Variants in TBRG1 observed in about 807,000 individuals in gnomAD.
The protein encoded by TBRG1 is transforming growth factor beta regulator 1, also known as nuclear interactor of ARF and MDM2.
A neutral mutation model predicts 44.0 loss-of-function variants in TBRG1; 31 were observed. The ratio of observed to expected loss-of-function variants is 0.70; its 90% CI spans 0.53 to 0.95. The LOEUF (loss-of-function observed/expected upper bound fraction) is 0.95, where lower values mean the gene tolerates loss of function less well. Among genes scored for constraint, TBRG1 ranks in the 40% least tolerant of loss-of-function variants. The pLI, the probability that TBRG1 is intolerant of heterozygous loss-of-function variation, is 0.00. For synonymous variants in TBRG1, 171 were observed against 188.1 expected, an observed-to-expected ratio of 0.91 and a Z score of 0.74; for missense variants, 487 against 496.1, an observed-to-expected ratio of 0.98 and a Z score of 0.18.
intron 1 of TBRG1, among the ~76,000 whole-genome samples, chr11:124,623,780 C>G (rs1211552887): frequency 6.6e-6 from 1 of 152,212 alleles, no homozygotes; most frequent in African/African-American, 2.4e-5. Flanking sequence ...CCCCTCTAAC[C>G]TTTGAGTGTT....
rs192756063 is a variant in TBRG1, at chr11:124,626,970, C to T, written c.658C>T (p.Arg220Ter). 3.1e-6 allele frequency: 5 copies of T among 1,594,802 alleles called. No homozygotes were observed. Among genetic ancestry groups the T allele is most frequent in the South Asian group, 2.3e-5 (2 of 87,662 alleles). The change falls in exon 5 of 9, where the codon CGA becomes TGA. Residue 220 changes from arginine to a stop codon, truncating the protein, a stop_gained. Coordinates refer to ENST00000441174, the MANE Select transcript of TBRG1 (RefSeq NM_032811.3). LOFTEE classifies it high-confidence loss of function. ...CTACCCCGTGGGCTATTGCAGTACTCGAATATATGCCAGCATGAAGTGCCC... is the reference window on the plus strand; with the variant it reads ...CTACCCCGTGGGCTATTGCAGTACTTGAATATATGCCAGCATGAAGTGCCC... ...AIYPVGYCST[R>*]IYASMKCPDQ...
At position 124,633,991 on chromosome 11, in the gene TBRG1, A is replaced by G. The variant is rs1942665965; in HGVS notation, c.*1753A>G. On this transcript the variant is annotated 3_prime_UTR_variant, in exon 9 of 9. Coordinates refer to ENST00000441174, the MANE Select transcript of TBRG1 (RefSeq NM_032811.3). ...CAACTATAGTGTGTACGTATACCACATATACATATACTTGTATGAAGATAT... is the reference window on the plus strand; with the variant it reads ...CAACTATAGTGTGTACGTATACCACGTATACATATACTTGTATGAAGATAT... 1 of 152,266 alleles carries G rather than the reference A, an allele frequency of 6.6e-6. No homozygotes were observed. The highest frequency in any genetic ancestry group is 2.4e-5 in the African/African-American group (1 of 41,476). 9.4% of individuals were successfully genotyped at this position (152,266 alleles called of 1,614,324 possible).
chr11:124,627,051 G>A lies in TBRG1; in HGVS notation c.738+1G>A. ...CAAGGATGGTGGTGTGCAGCCTCAG[G>A]TACCCCCTCTAATAATAACCACTGT... On this transcript the variant is annotated splice_donor_variant, in intron 5 of 8. Transcript: ENST00000441174. LOFTEE classifies it high-confidence loss of function. 6.5e-7 allele frequency: 1 copy of A among 1,536,098 alleles called. No individual in the cohort carries two copies. The highest frequency in any genetic ancestry group is 8.8e-7 in the Non-Finnish European group (1 of 1,132,534).
In TBRG1 at chr11:124,634,323, A is replaced by T. The variant is rs1404687502; in HGVS notation, c.*2085A>T. On this transcript the variant is annotated 3_prime_UTR_variant, in exon 9 of 9. Coordinates refer to ENST00000441174, the MANE Select transcript of TBRG1 (RefSeq NM_032811.3). ...GCACTCCAGCCTGGGCAACAGAGCA[A>T]AACTCCAACTCAAAAACAAAAACAA... The T allele has an allele frequency of 1.3e-5, 2 of 152,252 alleles. No homozygotes were observed. Among genetic ancestry groups the T allele is most frequent in the Non-Finnish European group, 1.5e-5 (1 of 68,058 alleles). The allele number at this position is 152,252 out of a possible 1,614,324, so 9.4% of individuals were successfully genotyped here.
At chr11:124,631,874 C>T (rs1457833732) in intron 8 of TBRG1, 4 of 490,226 alleles carry the variant, frequency 8.2e-6, no homozygotes, top group Non-Finnish European at 1.4e-5. Context: ...TTGAAATTCT[C>T]ACTCTTTGCC....
At chr11:124,627,144 G>T in intron 5 of TBRG1, 94 bp downstream of exon 5, 1 of 907,594 alleles carries the variant, frequency 1.1e-6, no homozygotes, top group Non-Finnish European at 1.7e-6. Context: ...AGGTAGATAT[G>T]TATAATCACC....
chr11:124,630,816 A>G lies in TBRG1; in HGVS notation c.908A>G (p.Asn303Ser), dbSNP rs1942592417. ...FFGFSHPAIH[N>S]LIQSCPGARK... ...GGATTTTCTCATCCAGCCATCCACAACCTGATCCAGAGCTGTCCAGGAGCT... is the reference window on the plus strand; with the variant it reads ...GGATTTTCTCATCCAGCCATCCACAGCCTGATCCAGAGCTGTCCAGGAGCT... Residue 303 changes from asparagine to serine, a missense_variant, in exon 7 of 9, where the codon AAC becomes AGC. Physicochemically the swap from Asn to Ser is conservative, Grantham distance 46. Transcript: ENST00000441174. 4 of 1,605,338 alleles carry G rather than the reference A, an allele frequency of 2.5e-6. No homozygotes were observed. Among genetic ancestry groups the G allele is most frequent in the African/African-American group, 1.3e-5 (1 of 74,936 alleles).
intron 5 of TBRG1, among the ~76,000 whole-genome samples, chr11:124,628,699 A>G (rs1942541372): frequency 1.3e-5 from 2 of 152,152 alleles, no homozygotes; most frequent in East Asian, 1.9e-4. Flanking sequence ...GGAGGAAAAC[A>G]AGTACACGTT....
chr11:124,633,451 T>C lies in TBRG1; in HGVS notation c.*1213T>C, dbSNP rs995632668. ...ACAAAAGGACCCAGAAGTAGAAGAA[T>C]GGGGATGGAGTGGTGAGAATTGAAT... is the stretch of plus-strand genomic sequence containing the variant. On this transcript the variant is annotated 3_prime_UTR_variant, in exon 9 of 9. Coordinates refer to ENST00000441174, the MANE Select transcript of TBRG1 (RefSeq NM_032811.3). 2 of 152,226 alleles carry C rather than the reference T, an allele frequency of 1.3e-5. No homozygotes were observed. The highest frequency in any genetic ancestry group is 1.3e-4 in the Admixed American group (2 of 15,282). 9.4% of individuals were successfully genotyped at this position (152,226 alleles called of 1,614,324 possible).
At chr11:124,628,100 TATATATATATATATATACAC>T (rs1287164193) in intron 5 of TBRG1, among the ~76,000 whole-genome samples, 186 of 53,236 alleles carry the variant, frequency 3.5e-3, no homozygotes, top group Middle Eastern at 0.013. Context: ...TATATATATA[TATATATATATATATATACAC>T]ACACACACAC....
At position 124,627,489 on chromosome 11, in the gene TBRG1, A is replaced by G. The variant is rs1304927144; in HGVS notation, c.738+439A>G. ...GAGTCTTAAATCCTAGTCTTACTAA[A>G]TACCTTTTTTCATCCTTCTCAGTGC... On this transcript the variant is annotated intron_variant, in intron 5 of 8. Coordinates refer to ENST00000441174, the MANE Select transcript of TBRG1 (RefSeq NM_032811.3). Among the ~76,000 whole-genome samples the G allele has an allele frequency of 3.3e-5, 5 of 152,200 alleles. No individual in the cohort carries two copies. In the East Asian group the frequency reaches 9.6e-4, roughly 29 times the overall value.
Position 124,625,749 on chromosome 11 carries a change from C to T in TBRG1, c.300C>T (p.Ser100=). 1 of 1,564,190 alleles carries T rather than the reference C, an allele frequency of 6.4e-7. No individual in the cohort carries two copies. The highest frequency in any genetic ancestry group is 1.2e-5 in the South Asian group (1 of 85,028). The change falls in exon 3 of 9, where the codon TCC becomes TCT. Residue 100 remains serine, a synonymous_variant. Coordinates refer to ENST00000441174, the MANE Select transcript of TBRG1 (RefSeq NM_032811.3). ...AGGCTGCAGCTCCTTCCCACAGTTC[C>T]AGTTTGCCCCTGACTTATGGTGTGG... ...EVQAAAPSHS[S]SLPLTYGVAS...
chr11:124,627,784 G>A (rs1942505187), intron 5 of TBRG1, among the ~76,000 whole-genome samples: 1 of 151,908 alleles, frequency 6.6e-6, no homozygotes, highest in African/African-American at 2.4e-5. Context: ...CCTCAATTAT[G>A]CAATAGTTTC....
intron 5 of TBRG1, chr11:124,630,091 T>C: frequency 4.0e-6 from 1 of 252,828 alleles, no homozygotes; most frequent in Non-Finnish European, 8.0e-6. Context: ...TAAAATACCA[T>C]TTGTATTTGT....
intron 5 of TBRG1, 51 bp from the exon 6 acceptor site, chr11:124,630,336 CT>C (rs1206944183): frequency 1.3e-5 from 15 of 1,170,110 alleles, no homozygotes; most frequent in Non-Finnish European, 1.9e-5. Flanking sequence ...TAGTATGCCC[CT>C]CTCTCCTTCC....
intron 7 of TBRG1, 49 bp from the exon 8 acceptor site, chr11:124,631,225 AT>A: frequency 6.6e-7 from 1 of 1,508,246 alleles, no homozygotes; most frequent in Non-Finnish European, 8.9e-7. Flanking sequence ...AGGAATGGGT[AT>A]TTATGTCTAG....
rs896207011 is a variant in TBRG1 at position 124,634,910 on chromosome 11, A to C, written c.*2672A>C. On this transcript the variant is annotated 3_prime_UTR_variant, in exon 9 of 9. Coordinates refer to ENST00000441174, the MANE Select transcript of TBRG1 (RefSeq NM_032811.3). ...TTACTTGCTTATACTTTAGTGTCCA[A>C]ATTTTCTACAGTGACTATAAATTTC... 3 of 152,190 alleles carry C rather than the reference A, an allele frequency of 2.0e-5. No individual in the cohort carries two copies. The highest frequency in any genetic ancestry group is 4.4e-5 in the Non-Finnish European group (3 of 68,026). The allele number at this position is 152,190 out of a possible 1,614,324, so 9.4% of individuals were successfully genotyped here. A position where few individuals can be genotyped will look rare whatever the true frequency, so the allele number is the denominator to read the frequency against.
In TBRG1 at chr11:124,630,447, T is replaced by G; in HGVS notation, c.798T>G (p.Ala266=). ...CCATTGTCAGCTCTTCTGCAGATGC[T>G]TGTCATGCAGAACTGCTCAGGACTA... The part of the protein sequence containing the change: ...QNAIVSSSAD[A]CHAELLRTIS... The change falls in exon 6 of 9, where the codon GCT becomes GCG. Residue 266 remains alanine (A), a synonymous_variant. Transcript: ENST00000441174. 6.2e-7 allele frequency: 1 copy of G among 1,613,808 alleles called. No homozygotes were observed. Among genetic ancestry groups the G allele is most frequent in the Non-Finnish European group, 8.5e-7 (1 of 1,179,692 alleles).
In TBRG1 at chr11:124,625,027, G is replaced by A. The variant is rs563066312; in HGVS notation, c.221+26G>A. 7 of 1,484,598 alleles carry A rather than the reference G, an allele frequency of 4.7e-6. No homozygotes were observed. In the South Asian group the frequency reaches 6.2e-5, roughly 13 times the overall value. 92.0% of individuals were successfully genotyped at this position (1,484,598 alleles called of 1,614,324 possible). On this transcript the variant is annotated intron_variant, in intron 2 of 8. Coordinates refer to ENST00000441174, the MANE Select transcript of TBRG1 (RefSeq NM_032811.3). ...GTGAGCTGGCTTCATTTTGTGTTCA[G>A]CATCACCTTTTTGGTGATTGATTTG...
Sources: allele counts gnomAD v4.1 joint callset (sites outside exome capture counted in the v4.1 genomes callset), GRCh38; gene constraint gnomAD v4.1.1; transcripts MANE v1.5; gene names NCBI Gene and HGNC (gene_info 2026-07-23, HGNC 2026-07-21).